The following RSBN1L variants were observed in gnomAD, a reference collection of about 807,000 sequenced individuals.
The protein encoded by RSBN1L is lysine-specific demethylase RSBN1L.
In RSBN1L, 30 loss-of-function variants were observed where a neutral mutation model predicts 67.7. The observed-to-expected ratio is 0.44, with a 90% confidence interval of 0.33 to 0.60. The LOEUF is 0.60. Among genes scored for constraint, RSBN1L ranks in the 20% least tolerant of loss-of-function variants. The pLI is 0.02. For missense variants in RSBN1L, 992 were observed against 1,031.7 expected (o/e 0.96, Z 0.53); for synonymous variants, 433 against 387.0 (o/e 1.12, Z -1.39).
chr7:77,698,786 T>C (rs568488969), intron 1 of RSBN1L, among the ~76,000 whole-genome samples: 5 of 152,304 alleles, frequency 3.3e-5, no homozygotes, highest in African/African-American at 7.2e-5. Context: ...TGACAAGATA[T>C]TAACACTACT....
chr7:77,762,092 CTT>C (rs1195229951), intron 3 of RSBN1L, among the ~76,000 whole-genome samples: 1 of 152,076 alleles, frequency 6.6e-6, no homozygotes, highest in East Asian at 1.9e-4. Context: ...AAGGGAGAGA[CTT>C]ATACTTTTGT....
At chr7:77,747,280 T>C (rs1366441041) in intron 2 of RSBN1L, among the ~76,000 whole-genome samples, 2 of 152,156 alleles carry the variant, frequency 1.3e-5, no homozygotes, top group African/African-American at 4.8e-5. Flanking sequence ...CTGCAGAAAT[T>C]TGTGTAAATA....
intron 1 of RSBN1L, among the ~76,000 whole-genome samples, chr7:77,712,671 T>C (rs898400313): frequency 6.6e-6 from 1 of 152,230 alleles, no homozygotes; most frequent in African/African-American, 2.4e-5. Context: ...CTGTTCCATG[T>C]CAATATGTGT....
chr7:77,743,370 G>A (rs1239695653), intron 2 of RSBN1L, among the ~76,000 whole-genome samples: 3 of 151,982 alleles, frequency 2.0e-5, no homozygotes, highest in East Asian at 1.9e-4. Flanking sequence ...AGGCCGAGAC[G>A]GGTGGATAAT....
At chr7:77,724,531 T>C (rs1791168150) in intron 1 of RSBN1L, among the ~76,000 whole-genome samples, 1 of 151,772 alleles carries the variant, frequency 6.6e-6, no homozygotes, top group Admixed American at 6.6e-5. Flanking sequence ...GTTCAAGTGA[T>C]TCTCCTGCCT....
intron 3 of RSBN1L, among the ~76,000 whole-genome samples, chr7:77,759,245 C>T (rs565857045): frequency 2.0e-5 from 3 of 152,208 alleles, no homozygotes; most frequent in African/African-American, 7.2e-5. Context: ...ACCAATTGTG[C>T]CTGCCCCATG....
chr7:77,782,230 G>C lies in RSBN1L; in HGVS notation c.*3062G>C, dbSNP rs577164067. 5.9e-5 allele frequency: 9 copies of C among 152,078 alleles called. No individual in the cohort carries two copies. Among genetic ancestry groups the C allele is most frequent in the Admixed American group, 5.9e-4 (9 of 15,276 alleles). 9.4% of individuals were successfully genotyped at this position (152,078 alleles called of 1,614,324 possible). The stretch of plus-strand genomic sequence containing the variant: ...ATTCCAGTTCTTTATCTGAATACAA[G>C]CGTTTTGCTTTTATTTCCAGTTTCT... On this transcript the variant is annotated 3_prime_UTR_variant, in exon 8 of 8. Coordinates refer to ENST00000334955, the MANE Select transcript of RSBN1L (RefSeq NM_198467.3).
chr7:77,715,498 G>T (rs771107227), intron 1 of RSBN1L, among the ~76,000 whole-genome samples: 25 of 152,036 alleles, frequency 1.6e-4, no homozygotes, highest in Middle Eastern at 3.4e-3. Context: ...AGTCAAGATG[G>T]GGGGCTCACC....
At chr7:77,730,454 A>G (rs915885908) in intron 1 of RSBN1L, among the ~76,000 whole-genome samples, 1 of 152,212 alleles carries the variant, frequency 6.6e-6, no homozygotes, top group Non-Finnish European at 1.5e-5. Flanking sequence ...TTGGTGTTAT[A>G]AATTTTCATG....
chr7:77,769,929 A>T (rs1435274158), intron 5 of RSBN1L, among the ~76,000 whole-genome samples: 1 of 152,202 alleles, frequency 6.6e-6, no homozygotes, highest in African/African-American at 2.4e-5. Flanking sequence ...TTTAACATAA[A>T]ACTCTTTGAT....
At chr7:77,769,656 A>C (rs1791819694) in intron 5 of RSBN1L, among the ~76,000 whole-genome samples, 2 of 152,312 alleles carry the variant, frequency 1.3e-5, no homozygotes, top group South Asian at 4.1e-4. Flanking sequence ...GGACTAAGAC[A>C]TTTGGAACTC....
intron 6 of RSBN1L, among the ~76,000 whole-genome samples, chr7:77,774,740 C>T (rs1791889922): frequency 6.6e-6 from 1 of 152,152 alleles, no homozygotes; most frequent in South Asian, 2.1e-4. Context: ...CTCCGTCCCA[C>T]CACCAACAAC....
At position 77,778,799 on chromosome 7, in the gene RSBN1L, C is replaced by T; in HGVS notation, c.2172C>T (p.Asp724=). 6.2e-7 allele frequency: 1 copy of T among 1,614,148 alleles called. No homozygotes were observed. Among genetic ancestry groups the T allele is most frequent in the Non-Finnish European group, 8.5e-7 (1 of 1,180,010 alleles). The change falls in exon 8 of 8, where the codon GAC becomes GAT. Residue 724 remains aspartate (D), a synonymous_variant. Transcript: ENST00000334955. ...CATCTGTTCTTGGACCTCACACTGA[C>T]AACATGATTTGTGCTGTAAGCAAAG... is the stretch of plus-strand genomic sequence containing the variant. ...STSSVLGPHT[D]NMICAVSKAS...
At chr7:77,746,610 C>T (rs755399419) in intron 2 of RSBN1L, among the ~76,000 whole-genome samples, 1 of 152,142 alleles carries the variant, frequency 6.6e-6, no homozygotes, top group East Asian at 1.9e-4. Flanking sequence ...CAACAGTCCC[C>T]CCAAATCTTA....
At chr7:77,707,004 G>A (rs1790901051) in intron 1 of RSBN1L, among the ~76,000 whole-genome samples, 1 of 150,874 alleles carries the variant, frequency 6.6e-6, no homozygotes, top group Non-Finnish European at 1.5e-5. Context: ...ATACCCGTAT[G>A]AATTCCCATT....
intron 3 of RSBN1L, among the ~76,000 whole-genome samples, chr7:77,759,276 T>TTTGTATA (rs1791665525): frequency 6.6e-6 from 1 of 152,196 alleles, no homozygotes; most frequent in Non-Finnish European, 1.5e-5. Context: ...ACTTAAGAAC[T>TTTGTATA]GATCTATACA....
chr7:77,768,657 C>T lies in RSBN1L; in HGVS notation c.1483-4C>T, dbSNP rs1421819345. ...TTGCAATCTGCATAATTATTTATCTCCAGTGTACACTGCCATGGGGGACGC... is the reference window on the plus strand; with the variant it reads ...TTGCAATCTGCATAATTATTTATCTTCAGTGTACACTGCCATGGGGGACGC... On this transcript the variant is annotated splice_region_variant and splice_polypyrimidine_tract_variant and intron_variant, in intron 4 of 7. Transcript: ENST00000334955. The T allele has an allele frequency of 6.2e-6, 10 of 1,611,304 alleles. No homozygotes were observed. The highest frequency in any genetic ancestry group is 8.5e-6 in the Non-Finnish European group (10 of 1,177,950).
intron 1 of RSBN1L, among the ~76,000 whole-genome samples, chr7:77,720,056 TC>T (rs1791095320): frequency 6.6e-6 from 1 of 152,232 alleles, no homozygotes; most frequent in African/African-American, 2.4e-5. Context: ...GAGCCACTGT[TC>T]CCAGCTGTAT....
chr7:77,749,904 C>G lies in RSBN1L; in HGVS notation c.1184C>G (p.Ser395Cys). Residue 395 changes from serine (S) to cysteine (C), a missense_variant, in exon 3 of 8, where the codon TCT (serine) becomes TGT (cysteine). By Grantham distance (112) the Ser-to-Cys change is moderately radical. Transcript: ENST00000334955. ...VGLVFSENEN[S>C]AAFYVMGIVH... ...CTAGTGTTCAGTGAAAATGAAAACT[C>G]TGCAGCTTTCTACGTGATGGGTATT... The G allele has an allele frequency of 6.2e-7, 1 of 1,614,130 alleles. No individual in the cohort carries two copies. The highest frequency in any genetic ancestry group is 8.5e-7 in the Non-Finnish European group (1 of 1,180,006).
Sources: gnomAD v4.1 joint callset for allele counts (sites outside exome capture counted in the v4.1 genomes callset) on GRCh38, gnomAD v4.1.1 for gene constraint, MANE v1.5 for transcripts, NCBI Gene and HGNC (gene_info 2026-07-23, HGNC 2026-07-21) for gene names.